EEIG1: variants seen among roughly 807,000 people sequenced by gnomAD.
EEIG1 encodes the protein estrogen-induced osteoclastogenesis regulator 1.
chr9:127,961,572 A>G, the EEIG1 span, among the ~76,000 whole-genome samples: 1 of 152,224 alleles, frequency 6.6e-6, no homozygotes, highest in Non-Finnish European at 1.5e-5. Context: ...CCTGCCTTCA[A>G]GGGGCTTATA....
the EEIG1 span, chr9:127,945,272 C>G: frequency 7.6e-6 from 8 of 1,049,920 alleles, no homozygotes; most frequent in East Asian, 2.1e-4. This position sits in a 1 kb window ranked among gnomAD's most constrained non-coding sequence, Gnocchi z 6.5. Context: ...GAGGTGGGGA[C>G]CTTACGGTCC....
chr9:127,966,072 G>A, the EEIG1 span, among the ~76,000 whole-genome samples: 6 of 152,222 alleles, frequency 3.9e-5, no homozygotes, highest in East Asian at 1.9e-4. Flanking sequence ...CGGGTGGGCC[G>A]GGAGGGAGGC....
At chr9:127,955,067 G>A in the EEIG1 span, among the ~76,000 whole-genome samples, 1 of 152,342 alleles carries the variant, frequency 6.6e-6, no homozygotes, top group East Asian at 1.9e-4. Flanking sequence ...CCGTGCTCAG[G>A]AAGGGGTGGC....
the EEIG1 span, among the ~76,000 whole-genome samples, chr9:127,947,804 G>A: frequency 4.9e-4 from 75 of 152,260 alleles, no homozygotes; most frequent in East Asian, 0.012. Flanking sequence ...GCTTGATTGA[G>A]GCCTGTTTCT....
chr9:127,950,811 C>T, the EEIG1 span: 23 of 754,608 alleles, frequency 3.0e-5, 2 homozygotes, highest in Middle Eastern at 4.8e-4. Flanking sequence ...GGCCAGTGCG[C>T]CTGACATGAA....
the EEIG1 span, chr9:127,948,000 C>T: frequency 1.3e-6 from 2 of 1,519,204 alleles, no homozygotes; most frequent in Non-Finnish European, 1.8e-6. Flanking sequence ...TCCCTGGGGA[C>T]CTGGGCATGA....
chr9:127,977,220 C>T, the EEIG1 span, among the ~76,000 whole-genome samples: 2 of 152,378 alleles, frequency 1.3e-5, no homozygotes, highest in South Asian at 4.1e-4. Flanking sequence ...TCCTCAGCCC[C>T]ATTCAGGTTG....
chr9:127,949,517 C>A, the EEIG1 span, among the ~76,000 whole-genome samples: 3 of 152,116 alleles, frequency 2.0e-5, no homozygotes, highest in African/African-American at 7.2e-5. Context: ...CCCCAGGCTC[C>A]CTTGATCTGG....
At chr9:127,957,105 T>C in the EEIG1 span, among the ~76,000 whole-genome samples, 4 of 152,116 alleles carry the variant, frequency 2.6e-5, no homozygotes, top group African/African-American at 9.7e-5. Flanking sequence ...GTCAGGTAGC[T>C]ATAGTTCCAG....
At chr9:127,945,530 G>T in the EEIG1 span, 10 of 1,567,048 alleles carry the variant, frequency 6.4e-6, no homozygotes, top group Admixed American at 1.9e-5. The surrounding 1 kb of genome is among the most constrained non-coding windows in gnomAD (Gnocchi z 6.5). Context: ...AGGTCTGAGA[G>T]GCTGGAGGAG....
chr9:127,954,377 G>A, the EEIG1 span, among the ~76,000 whole-genome samples: 1 of 152,200 alleles, frequency 6.6e-6, no homozygotes, highest in Admixed American at 6.5e-5. Context: ...ACCGAGGCTA[G>A]GCAAGCTGCC....
the EEIG1 span, among the ~76,000 whole-genome samples, chr9:127,968,408 C>T: frequency 1.3e-5 from 2 of 152,308 alleles, no homozygotes; most frequent in African/African-American, 4.8e-5. Context: ...TCTTAGGTTC[C>T]TGTCTCCCAG....
chr9:127,970,785 TC>T, the EEIG1 span, among the ~76,000 whole-genome samples: 1 of 38,462 alleles, frequency 2.6e-5, no homozygotes, highest in Non-Finnish European at 8.8e-5. Context: ...TCTTTCCCGC[TC>T]AGCACGCTCG....
chr9:127,967,660 C>G, the EEIG1 span, among the ~76,000 whole-genome samples: 1 of 152,220 alleles, frequency 6.6e-6, no homozygotes, highest in African/African-American at 2.4e-5. Context: ...CCTGCACCCA[C>G]CAGTCTCCCA....
chr9:127,946,418 C>T, the EEIG1 span, among the ~76,000 whole-genome samples: 30 of 152,234 alleles, frequency 2.0e-4, no homozygotes, highest in African/African-American at 7.2e-4. Context: ...GAGTATCCAC[C>T]TGCCTTCCCG....
chr9:127,947,948 T>C, the EEIG1 span: 6 of 1,165,154 alleles, frequency 5.1e-6, no homozygotes, highest in Non-Finnish European at 6.1e-6. Context: ...AGCAGGAGCA[T>C]GCAAACACCC....
chr9:127,944,944 A>G, the EEIG1 span: 2 of 1,594,060 alleles, frequency 1.3e-6, no homozygotes, highest in Admixed American at 1.7e-5. Context: ...CAGGGCAGTA[A>G]CAGGTACAAG....
At chr9:127,945,352 A>G in the EEIG1 span, 1 of 1,567,546 alleles carries the variant, frequency 6.4e-7, no homozygotes, top group African/African-American at 1.3e-5. The surrounding 1 kb of genome is among the most constrained non-coding windows in gnomAD (Gnocchi z 6.5). Flanking sequence ...GGGGGCACCA[A>G]GCAGTAGGCC....
chr9:127,962,783 C>T, the EEIG1 span, among the ~76,000 whole-genome samples: 1 of 152,150 alleles, frequency 6.6e-6, no homozygotes, highest in Non-Finnish European at 1.5e-5. Context: ...AATCCCAGCA[C>T]TCTGGGAGGC....
Sources: gnomAD v4.1 joint callset for allele counts (sites outside exome capture counted in the v4.1 genomes callset) on GRCh38, gnomAD v4.1.1 for gene constraint, Gnocchi (gnomAD v3.1) non-coding constraint, MANE v1.5 for transcripts, NCBI Gene and HGNC (gene_info 2026-07-23, HGNC 2026-07-21) for gene names.